MBNL3: variants seen among roughly 807,000 people sequenced by gnomAD.
MBNL3 encodes the protein muscleblind like splicing regulator 3.
In MBNL3, 6 loss-of-function variants were observed where a neutral mutation model predicts 24.5. The observed-to-expected ratio is 0.25, with a 90% confidence interval of 0.13 to 0.48. MBNL3 has a LOEUF of 0.48. MBNL3 is among the 20% of genes least tolerant of loss of function. The probability of loss-of-function intolerance (pLI) is 0.99; values close to 1 mark genes in which losing one functional copy is unlikely to be tolerated. For synonymous variants in MBNL3, 100 were observed against 101.7 expected, an observed-to-expected ratio of 0.98 and a Z score of 0.10; for missense variants, 230 against 293.5, an observed-to-expected ratio of 0.78 and a Z score of 1.58.
intron 1 of MBNL3, among the ~76,000 whole-genome samples, chrX:132,454,071 A>G (rs886642302): frequency 1.8e-5 from 2 of 111,955 alleles, no homozygotes; most frequent in Middle Eastern, 4.2e-3. Context: ...TAGCCTGGGC[A>G]ACAGAGGGAA....
At position 132,370,187 on chromosome X, in the gene MBNL3, A is replaced by G. The variant is rs977867476; in HGVS notation, c.*9479T>C. Reference sequence around the variant, plus strand: ...GCATTTCTAGTACAGGAAAGAGCCAAGTAGAAAATCAGAGAATGTGTGTCC... The same window carrying G: ...GCATTTCTAGTACAGGAAAGAGCCAGGTAGAAAATCAGAGAATGTGTGTCC... On this transcript the variant is annotated 3_prime_UTR_variant, in exon 9 of 9. Transcript: ENST00000370853. 1 of 111,897 alleles carries G rather than the reference A, an allele frequency of 8.9e-6. No individual in the cohort carries two copies. The highest frequency in any genetic ancestry group is 1.9e-5 in the Non-Finnish European group (1 of 53,209). The allele number at this position is 111,897 out of a possible 1,213,427, so 9.2% of individuals were successfully genotyped here. A position where few individuals can be genotyped will look rare whatever the true frequency, so the allele number is the denominator to read the frequency against.
intron 2 of MBNL3, chrX:132,429,733 CTG>C (rs1358094258): frequency 8.9e-6 from 1 of 111,846 alleles, no homozygotes; most frequent in African/African-American, 3.3e-5. Context: ...AGCAGCATGA[CTG>C]TGATAAGAGC....
intron 2 of MBNL3, among the ~76,000 whole-genome samples, chrX:132,410,021 G>C (rs1942498487): frequency 9.0e-6 from 1 of 111,526 alleles, no homozygotes; most frequent in African/African-American, 3.3e-5. Flanking sequence ...CCCATCGACT[G>C]TCTTTGAAAA....
chrX:132,489,554 T>G (rs1948183314), upstream of MBNL3, among the ~76,000 whole-genome samples: 1 of 110,772 alleles, frequency 9.0e-6, no homozygotes, highest in Non-Finnish European at 1.9e-5. Context: ...ACGCCAGACG[T>G]CCCCTCGCGC....
chrX:132,409,049 A>G, intron 2 of MBNL3, among the ~76,000 whole-genome samples: 1 of 112,309 alleles, frequency 8.9e-6, no homozygotes, highest in Non-Finnish European at 1.9e-5. Flanking sequence ...TAACATCTAT[A>G]TTATCCGTGC....
chrX:132,411,164 A>T, intron 2 of MBNL3: 1 of 753,801 alleles, frequency 1.3e-6, no homozygotes, highest in African/African-American at 2.3e-5. Flanking sequence ...AGTACCCCCC[A>T]CCATTGCAGC....
chrX:132,485,601 A>C (rs945385962), intron 1 of MBNL3, among the ~76,000 whole-genome samples: 4 of 112,388 alleles, frequency 3.6e-5, no homozygotes, highest in African/African-American at 1.3e-4. Context: ...GAAGAACAGA[A>C]TGTCATGGAA....
chrX:132,375,037 A>C lies in MBNL3; in HGVS notation c.*4629T>G, dbSNP rs969593053. On this transcript the variant is annotated 3_prime_UTR_variant, in exon 9 of 9. Transcript: ENST00000370853. ...CTGATTCTAGAATCCATGTGTTATAAACTTTTTCACAAAAAGTCACACAAG... is the reference window on the plus strand; with the variant it reads ...CTGATTCTAGAATCCATGTGTTATACACTTTTTCACAAAAAGTCACACAAG... 1 of 111,802 alleles carries C rather than the reference A, an allele frequency of 8.9e-6. No homozygotes were observed. Among genetic ancestry groups the C allele is most frequent in the Non-Finnish European group, 1.9e-5 (1 of 52,980 alleles). The allele number at this position is 111,802 out of a possible 1,213,427, so 9.2% of individuals were successfully genotyped here.
intron 2 of MBNL3, among the ~76,000 whole-genome samples, chrX:132,434,293 T>A (rs1327432903): frequency 1.8e-5 from 2 of 112,433 alleles, no homozygotes; most frequent in African/African-American, 6.5e-5. Flanking sequence ...GTCATGCTCT[T>A]GGTCCATTTT....
At chrX:132,414,912 A>G (rs1207188313) in intron 2 of MBNL3, among the ~76,000 whole-genome samples, 2 of 111,356 alleles carry the variant, frequency 1.8e-5, no homozygotes, top group African/African-American at 6.5e-5. Flanking sequence ...ATCTCCCAAA[A>G]GCTAACAAGA....
chrX:132,442,471 G>C (rs1774511470), intron 1 of MBNL3, among the ~76,000 whole-genome samples: 1 of 111,488 alleles, frequency 9.0e-6, no homozygotes, highest in South Asian at 3.8e-4. Context: ...AAAGTACTCT[G>C]AAAGAGTATG....
chrX:132,372,307 A>T lies in MBNL3; in HGVS notation c.*7359T>A, dbSNP rs1339858585. 1 of 110,112 alleles carries T rather than the reference A, an allele frequency of 9.1e-6. No homozygotes were observed. Among genetic ancestry groups the T allele is most frequent in the African/African-American group, 3.3e-5 (1 of 30,493 alleles). The allele number at this position is 110,112 out of a possible 1,213,427, so 9.1% of individuals were successfully genotyped here. ...CAAATTATGTGCCTCCATTTTTCAC[A>T]TTATTCCAAATTGTTGTTATATGAA... On this transcript the variant is annotated 3_prime_UTR_variant, in exon 9 of 9. Coordinates refer to ENST00000370853, the MANE Select transcript of MBNL3 (RefSeq NM_001386889.1).
At chrX:132,489,726 T>C (rs1479402198), upstream of MBNL3, 1 of 108,051 alleles carries the variant, frequency 9.3e-6, no homozygotes, top group Non-Finnish European at 1.9e-5. Flanking sequence ...CGGGCGGGCA[T>C]CCGGAGCGCC....
At chrX:132,408,433 G>A (rs1942214526) in intron 2 of MBNL3, among the ~76,000 whole-genome samples, 1 of 109,562 alleles carries the variant, frequency 9.1e-6, no homozygotes, top group Non-Finnish European at 1.9e-5. Context: ...ACTATATAAT[G>A]AAGACTGTCT....
At chrX:132,386,889 G>A in intron 5 of MBNL3, 78 bp from the exon 6 acceptor site, 1 of 1,080,561 alleles carries the variant, frequency 9.3e-7, no homozygotes, top group Non-Finnish European at 1.3e-6. Flanking sequence ...GTCATATAAG[G>A]TATTTCCTGG....
intron 1 of MBNL3, among the ~76,000 whole-genome samples, chrX:132,474,454 C>T (rs994376872): frequency 8.1e-5 from 9 of 111,446 alleles, no homozygotes; most frequent in African/African-American, 2.9e-4. Flanking sequence ...CTTTCCCCCT[C>T]CTCCTTTTTT....
rs7892112 is a variant in MBNL3 at position 132,369,994 on chromosome X, T to C, written c.*9672A>G. 31 of 111,930 alleles carry C rather than the reference T, an allele frequency of 2.8e-4. No individual in the cohort carries two copies. The highest frequency in any genetic ancestry group is 7.5e-4 in the African/African-American group (23 of 30,761). The allele number at this position is 111,930 out of a possible 1,213,427, so 9.2% of individuals were successfully genotyped here. A position where few individuals can be genotyped will look rare whatever the true frequency, so the allele number is the denominator to read the frequency against. The stretch of plus-strand genomic sequence containing the variant: ...CATGTTTGTACAAATGGGAATCAGA[T>C]AGTCTGTCCCTCTCACAAAGCTATT... On this transcript the variant is annotated 3_prime_UTR_variant, in exon 9 of 9. Coordinates refer to ENST00000370853, the MANE Select transcript of MBNL3 (RefSeq NM_001386889.1).
In MBNL3 at chrX:132,454,346, G is replaced by A. The variant is rs149209847; in HGVS notation, c.-703-14032C>T. On this transcript the variant is annotated intron_variant, in intron 1 of 8. Transcript: ENST00000370853. The stretch of plus-strand genomic sequence containing the variant: ...TTCTCTAGTCAAACATGAGGGTCAC[G>A]TAAGGATAATTATTTGGCAGAGAGG... Among the ~76,000 whole-genome samples, 535 of 111,463 alleles carry A rather than the reference G, an allele frequency of 4.8e-3. 3 individuals carry two copies. The highest frequency in any genetic ancestry group is 0.016 in the African/African-American group (504 of 30,647).
intron 1 of MBNL3, among the ~76,000 whole-genome samples, chrX:132,475,225 C>T (rs1188098098): frequency 2.7e-5 from 3 of 112,273 alleles, no homozygotes. Flanking sequence ...TCATCCACCT[C>T]TCAAGCCTCT....
Sources: gnomAD v4.1 joint callset for allele counts (sites outside exome capture counted in the v4.1 genomes callset) on GRCh38, gnomAD v4.1.1 for gene constraint, MANE v1.5 for transcripts, NCBI Gene and HGNC (gene_info 2026-07-23, HGNC 2026-07-21) for gene names.